DEPDC5: variants seen among roughly 807,000 people sequenced by gnomAD.
DEPDC5 encodes GATOR1 complex protein DEPDC5.
A neutral mutation model predicts 217.3 loss-of-function variants in DEPDC5; 73 were observed. The ratio of observed to expected loss-of-function variants is 0.34; its 90% CI spans 0.28 to 0.41. The LOEUF is 0.41. Ranked by LOEUF, DEPDC5 falls within the 10% of genes least tolerant of loss-of-function variation. DEPDC5 has a pLI of 1.00. For synonymous variants in DEPDC5, 733 were observed against 756.7 expected (o/e 0.97, Z 0.51); for missense variants, 1,675 against 2,070.1 (o/e 0.81, Z 3.70).
At chr22:31,846,160 C>A (rs2149032805) in intron 30 of DEPDC5, among the ~76,000 whole-genome samples, 1 of 152,274 alleles carries the variant, frequency 6.6e-6, no homozygotes, top group East Asian at 1.9e-4. Context: ...TAATCCCTGG[C>A]AACCACTGGT....
At chr22:31,818,171 G>A (rs1270099183) in intron 21 of DEPDC5, among the ~76,000 whole-genome samples, 1 of 152,012 alleles carries the variant, frequency 6.6e-6, no homozygotes, top group African/African-American at 2.4e-5. Flanking sequence ...CTCCATAATG[G>A]GACCTGTCTA....
Position 31,845,125 on chromosome 22 carries a change from G to A in DEPDC5, c.2909G>A (p.Gly970Glu), listed in dbSNP as rs1569088197. Residue 970 changes from glycine (G) to glutamate (E), a missense_variant, in exon 30 of 43, where the codon GGG becomes GAG. Gly to Glu is a moderately conservative substitution (Grantham distance 98). This residue lies in a region of DEPDC5 where 293 missense variants were observed against 386.1 expected (regional missense o/e 0.76). Transcript: ENST00000651528. ...GGGGAGGCCCACTGCGACATCTATGGGGACAGGCCCCGTGCAGACGAGGAC... is the reference window on the plus strand; with the variant it reads ...GGGGAGGCCCACTGCGACATCTATGAGGACAGGCCCCGTGCAGACGAGGAC... ...TEGEAHCDIY[G>E]DRPRADEDEW... 1 of 1,614,178 alleles carries A rather than the reference G, an allele frequency of 6.2e-7. No individual in the cohort carries two copies. Among genetic ancestry groups the A allele is most frequent in the Non-Finnish European group, 8.5e-7 (1 of 1,180,016 alleles).
At chr22:31,771,602 C>A (rs1048154411) in intron 7 of DEPDC5, among the ~76,000 whole-genome samples, 2 of 151,778 alleles carry the variant, frequency 1.3e-5, no homozygotes, top group African/African-American at 4.8e-5. Context: ...TGCCTGTAGT[C>A]CCAGCTACTC....
At chr22:31,826,923 G>A (rs1341269295) in intron 24 of DEPDC5, among the ~76,000 whole-genome samples, 1 of 149,162 alleles carries the variant, frequency 6.7e-6, no homozygotes, top group Non-Finnish European at 1.5e-5. Flanking sequence ...TTAAGAGACA[G>A]GATCTTCCTC....
At chr22:31,855,980 G>T (rs145748821) in intron 31 of DEPDC5, among the ~76,000 whole-genome samples, 4 of 152,168 alleles carry the variant, frequency 2.6e-5, no homozygotes, top group East Asian at 3.9e-4. Context: ...CTGAGATGGG[G>T]TGTAGCATAT....
intron 3 of DEPDC5, 146 bp from the exon 4 acceptor site, chr22:31,760,510 C>T (rs2082302855): frequency 2.9e-6 from 2 of 688,750 alleles, no homozygotes; most frequent in African/African-American, 3.6e-5. Context: ...GGCCGAGTTT[C>T]TTTGTTTCTG....
At chr22:31,790,143 C>T (rs537754435) in intron 10 of DEPDC5, among the ~76,000 whole-genome samples, 299 of 152,244 alleles carry the variant, frequency 2.0e-3, no homozygotes, top group African/African-American at 7.1e-3. Context: ...CAGTGAAGGT[C>T]TGCTGTTTCC....
intron 25 of DEPDC5, 64 bp from the exon 26 acceptor site, chr22:31,836,908 G>C: frequency 6.7e-5 from 78 of 1,159,108 alleles, no homozygotes; most frequent in South Asian, 4.4e-4. Flanking sequence ...TCCCTCCCCT[G>C]GCCCCCCATC....
At chr22:31,782,767 T>G (rs1207804049) in intron 8 of DEPDC5, among the ~76,000 whole-genome samples, 1 of 152,164 alleles carries the variant, frequency 6.6e-6, no homozygotes, top group African/African-American at 2.4e-5. Flanking sequence ...CATAGAACCT[T>G]TGTATATGTT....
chr22:31,792,727 C>A lies in DEPDC5; in HGVS notation c.695-18C>A. 1 of 1,537,880 alleles carries A rather than the reference C, an allele frequency of 6.5e-7. No individual in the cohort carries two copies. The highest frequency in any genetic ancestry group is 8.7e-7 in the Non-Finnish European group (1 of 1,151,520). On this transcript the variant is annotated intron_variant, in intron 11 of 42. Transcript: ENST00000651528. Reference sequence around the variant, plus strand: ...CTCTTCTCAGCCTGAACTACATACTCCGTTTTCTCTATTTCAGATGAATTT... The same window carrying A: ...CTCTTCTCAGCCTGAACTACATACTACGTTTTCTCTATTTCAGATGAATTT...
Position 31,821,540 on chromosome 22 carries a change from C to G in DEPDC5, c.1909C>G (p.Arg637Gly). The change falls in exon 23 of 43, where the codon CGA becomes GGA. Residue 637 changes from arginine to glycine, a missense_variant. By Grantham distance (125) the Arg-to-Gly change is moderately radical (BLOSUM62 -2). This residue lies in a region of DEPDC5 where 136 missense variants were observed against 132.2 expected (regional missense o/e 1.03). Transcript: ENST00000651528. ...AGCCATCCAGATCCACCACCAGACC[C>G]GACAGAATATGGCGGAGCTACAAGG... ...GEAIQIHHQT[R>G]QNMAELQGSG... The G allele has an allele frequency of 1.2e-6, 2 of 1,614,166 alleles. No individual in the cohort carries two copies. Among genetic ancestry groups the G allele is most frequent in the Non-Finnish European group, 1.7e-6 (2 of 1,180,032 alleles).
At chr22:31,883,194 AC>A (rs1341453714) in intron 38 of DEPDC5, among the ~76,000 whole-genome samples, 3 of 151,928 alleles carry the variant, frequency 2.0e-5, no homozygotes, top group Non-Finnish European at 4.4e-5. Flanking sequence ...TGGTAAAATT[AC>A]CCCCAGCTGA....
At chr22:31,895,362 A>G (rs1306435606) in intron 39 of DEPDC5, among the ~76,000 whole-genome samples, 1 of 152,052 alleles carries the variant, frequency 6.6e-6, no homozygotes, top group Non-Finnish European at 1.5e-5. Context: ...CTTCTAGTTC[A>G]TCCTGGCCTG....
At chr22:31,892,538 G>A (rs62238930) in intron 38 of DEPDC5, among the ~76,000 whole-genome samples, 14,886 of 152,212 alleles carry the variant, frequency 0.098, 865 homozygotes, top group South Asian at 0.2. Flanking sequence ...ACAAAAATTA[G>A]CCGGGTGTGG....
At chr22:31,799,398 T>A (rs1047046308) in intron 14 of DEPDC5, among the ~76,000 whole-genome samples, 11 of 151,570 alleles carry the variant, frequency 7.3e-5, no homozygotes, top group African/African-American at 2.7e-4. Flanking sequence ...AATGTGCAGG[T>A]TTGTTACATA....
At chr22:31,785,476 A>G (rs1417417689) in intron 10 of DEPDC5, among the ~76,000 whole-genome samples, 1 of 152,226 alleles carries the variant, frequency 6.6e-6, no homozygotes, top group Non-Finnish European at 1.5e-5. Context: ...AGACCTAAGT[A>G]AATAGTAAGA....
intron 24 of DEPDC5, among the ~76,000 whole-genome samples, chr22:31,825,334 G>C (rs1442005159): frequency 1.3e-5 from 2 of 152,162 alleles, no homozygotes; most frequent in Non-Finnish European, 2.9e-5. Context: ...TCTTTATTTG[G>C]GGTGGTTGTG....
intron 33 of DEPDC5, among the ~76,000 whole-genome samples, chr22:31,868,992 C>T (rs1247984410): frequency 1.3e-5 from 2 of 152,060 alleles, no homozygotes; most frequent in African/African-American, 2.4e-5. Flanking sequence ...GCTGTAATCC[C>T]AGCACTTTGG....
At chr22:31,814,881 A>T in intron 20 of DEPDC5, 111 bp from the exon 21 acceptor site, 1 of 1,164,750 alleles carries the variant, frequency 8.6e-7, no homozygotes. Flanking sequence ...CACACTGGGG[A>T]TTTTTGTTAT....
Sources: gnomAD v4.1 joint callset for allele counts (sites outside exome capture counted in the v4.1 genomes callset) on GRCh38, gnomAD v4.1.1 for gene constraint, gnomAD v4.1.1 regional missense constraint, MANE v1.5 for transcripts, NCBI Gene and HGNC (gene_info 2026-07-23, HGNC 2026-07-21) for gene names.